IDO2: variants seen among roughly 807,000 people sequenced by gnomAD.
IDO2 encodes indoleamine 2,3-dioxygenase-like 1 protein.
Under a neutral mutation model 45.1 loss-of-function variants are expected in IDO2, and 46 were observed. The ratio of observed to expected loss-of-function variants is 1.02; its 90% CI spans 0.80 to 1.30. The LOEUF (loss-of-function observed/expected upper bound fraction) is 1.30. Among genes scored for constraint, IDO2 ranks in the 50% most tolerant of loss-of-function variants. The pLI is 0.00. For synonymous variants in IDO2, 218 were observed against 184.9 expected, an observed-to-expected ratio of 1.18 and a Z score of -1.45; for missense variants, 544 against 491.8, an observed-to-expected ratio of 1.11 and a Z score of -1.00.
At chr8:39,996,300 G>T (rs1411908836) in intron 8 of IDO2, among the ~76,000 whole-genome samples, 1 of 152,218 alleles carries the variant, frequency 6.6e-6, no homozygotes, top group Non-Finnish European at 1.5e-5. Flanking sequence ...CCGCCTTTTA[G>T]ATAGCAGTAG....
rs554438467 is a variant in IDO2 at position 40,013,591 on chromosome 8, C to A, written c.746C>A (p.Ala249Glu). The change falls in exon 10 of 11, where the codon GCA (alanine) becomes GAA (glutamate). Residue 249 changes from alanine to glutamate, a missense_variant. Ala to Glu is a moderately radical substitution (Grantham distance 107). Transcript: ENST00000502986. ...TGGAAAGACAACCCAGCAATGCCTGCAGGGCTGATGTATGAAGGAGTTTCC... is the reference window on the plus strand; with the variant it reads ...TGGAAAGACAACCCAGCAATGCCTGAAGGGCTGATGTATGAAGGAGTTTCC... The A allele has an allele frequency of 1.3e-4, 211 of 1,613,778 alleles. 1 individual carries two copies. In the East Asian group the frequency reaches 4.5e-3, roughly 35 times the overall value.
At position 40,004,574 on chromosome 8, in the gene IDO2, A is replaced by ATAGATGATAGT. The variant is rs1554549502; in HGVS notation, c.668-748_668-747insGATAGTTAGAT. On this transcript the variant is annotated intron_variant, in intron 8 of 10. Transcript: ENST00000502986. Reference sequence around the variant, plus strand: ...AGATAGATAGATAGATAGACGATAGATAGATAGATAGATAATCTCAGAAAC... The same window carrying ATAGATGATAGT: ...AGATAGATAGATAGATAGACGATAGATAGATGATAGTTAGATAGATAGATAATCTCAGAAAC... Among the ~76,000 whole-genome samples, 1,001 of 151,254 alleles carry ATAGATGATAGT rather than the reference A, an allele frequency of 6.6e-3. 9 individuals are homozygous for ATAGATGATAGT. Among genetic ancestry groups the ATAGATGATAGT allele is most frequent in the Middle Eastern group, 0.014 (4 of 288 alleles).
At chr8:40,001,960 A>G (rs968573171) in intron 8 of IDO2, among the ~76,000 whole-genome samples, 1 of 151,852 alleles carries the variant, frequency 6.6e-6, no homozygotes, top group Non-Finnish European at 1.5e-5. Flanking sequence ...TAATTTTTGT[A>G]TTTTTAGTGG....
intron 8 of IDO2, chr8:39,995,191 T>TCTCCTTCTCCTTCTCCTTCTCCTTCTC (rs1299293945): frequency 1.2e-5 from 1 of 80,948 alleles, no homozygotes. Context: ...TTCTTCTTCT[T>TCTCCTTCTCCTTCTCCTTCTCCTTCTC]CTTCTTCTTC....
intron 8 of IDO2, among the ~76,000 whole-genome samples, chr8:40,004,326 G>A (rs766424920): frequency 1.3e-5 from 2 of 152,220 alleles, no homozygotes; most frequent in African/African-American, 2.4e-5. Context: ...CAAAGACTAC[G>A]TATGTTGGTT....
intron 9 of IDO2, among the ~76,000 whole-genome samples, chr8:40,012,056 C>T (rs1056501250): frequency 2.0e-5 from 3 of 152,200 alleles, no homozygotes; most frequent in African/African-American, 7.2e-5. Context: ...CCAGTGAAAA[C>T]AACCTGGCTC....
chr8:39,944,476 G>A (rs1372878068), intron 1 of IDO2, among the ~76,000 whole-genome samples: 1 of 152,136 alleles, frequency 6.6e-6, no homozygotes, highest in Non-Finnish European at 1.5e-5. Flanking sequence ...GAGCCAGACA[G>A]ACTCCATCTT....
rs934771708 is a variant in IDO2, at chr8:39,980,066, C to T, written c.315+880C>T. ...CTTAAACTCCTGGCCTCAAGTGATC[C>T]TCCTGCCTTTGCCTCCTGTGCTGGG... On this transcript the variant is annotated intron_variant, in intron 4 of 10. Coordinates refer to ENST00000502986, the Ensembl canonical transcript of IDO2. Among the ~76,000 whole-genome samples, 8 of 152,332 alleles carry T rather than the reference C, an allele frequency of 5.3e-5. No homozygotes were observed. The East Asian group carries it at 1.3e-3, about 26-fold the overall frequency.
chr8:39,937,769 C>T (rs536207613), intron 1 of IDO2, among the ~76,000 whole-genome samples: 4 of 152,212 alleles, frequency 2.6e-5, no homozygotes, highest in Non-Finnish European at 4.4e-5. Context: ...GATCCTCCTG[C>T]GTCAACCTCC....
intron 1 of IDO2, among the ~76,000 whole-genome samples, chr8:39,940,210 A>G (rs529444146): frequency 1.3e-5 from 2 of 152,310 alleles, no homozygotes; most frequent in South Asian, 2.1e-4. Context: ...GCTGGGAGTA[A>G]AGCAGCGTGA....
At chr8:40,014,326 C>T (rs190164932) in intron 10 of IDO2, among the ~76,000 whole-genome samples, 13 of 152,294 alleles carry the variant, frequency 8.5e-5, no homozygotes, top group Admixed American at 2.0e-4. Context: ...TAATTTTTCA[C>T]GGATTTTGGC....
In IDO2 at chr8:39,993,875, C is replaced by G. The variant is rs187900009; in HGVS notation, c.667+4037C>G. ...CACAAAAATTAGCTGGGCATGGTGGCACATGCCTGCAATCCCAGCTACTCA... is the reference window on the plus strand; with the variant it reads ...CACAAAAATTAGCTGGGCATGGTGGGACATGCCTGCAATCCCAGCTACTCA... On this transcript the variant is annotated intron_variant, in intron 8 of 10. Coordinates refer to ENST00000502986, the Ensembl canonical transcript of IDO2. Among the ~76,000 whole-genome samples, 39 of 152,090 alleles carry G rather than the reference C, an allele frequency of 2.6e-4. No homozygotes were observed. The East Asian group carries it at 5.4e-3, about 21-fold the overall frequency.
chr8:39,972,663 A>G (rs1808197068), intron 3 of IDO2, among the ~76,000 whole-genome samples: 1 of 151,512 alleles, frequency 6.6e-6, no homozygotes, highest in Non-Finnish European at 1.5e-5. Context: ...ATGCTAACAA[A>G]CAGATTGCAT....
chr8:39,989,920 T>C (rs555005998), intron 8 of IDO2, 82 bp downstream of exon 8: 2 of 818,200 alleles, frequency 2.4e-6, no homozygotes, highest in East Asian at 5.4e-5. Context: ...GGACCAGGCA[T>C]GTCCTGAAGG....
chr8:39,989,406 A>G (rs1341659118), intron 7 of IDO2, among the ~76,000 whole-genome samples: 1 of 152,174 alleles, frequency 6.6e-6, no homozygotes, highest in African/African-American at 2.4e-5. Context: ...CCAGTTGGAG[A>G]TGCAGTAGAA....
chr8:39,982,610 G>C, intron 4 of IDO2, 42 bp from the exon 5 acceptor site: 1 of 1,318,522 alleles, frequency 7.6e-7, no homozygotes, highest in Non-Finnish European at 1.1e-6. Flanking sequence ...TCTGCTGCAA[G>C]CTTTCTAGAA....
At chr8:39,992,656 T>C (rs184795658) in intron 8 of IDO2, among the ~76,000 whole-genome samples, 77 of 152,276 alleles carry the variant, frequency 5.1e-4, no homozygotes, top group African/African-American at 1.9e-3. Flanking sequence ...CTCCAGTCAT[T>C]GTCTCTGGTT....
intron 4 of IDO2, among the ~76,000 whole-genome samples, chr8:39,982,181 C>T (rs1808362798): frequency 6.6e-6 from 1 of 151,812 alleles, no homozygotes; most frequent in Non-Finnish European, 1.5e-5. Flanking sequence ...ATCTAGCTAG[C>T]TATCATCTCT....
chr8:39,949,440 G>A (rs1807783471), intron 2 of IDO2, among the ~76,000 whole-genome samples, 176 bp downstream of exon 2: 1 of 152,108 alleles, frequency 6.6e-6, no homozygotes, highest in Non-Finnish European at 1.5e-5. Context: ...AGAAGTGACA[G>A]ATACCACAGA....
Sources: allele counts gnomAD v4.1 joint callset (sites outside exome capture counted in the v4.1 genomes callset), GRCh38; gene constraint gnomAD v4.1.1; transcripts MANE v1.5; gene names NCBI Gene and HGNC (gene_info 2026-07-23, HGNC 2026-07-21).